The following AP3S2 variants were observed in gnomAD, a reference collection of about 807,000 sequenced individuals.
AP3S2 encodes AP-3 complex subunit sigma-2.
A neutral mutation model predicts 23.4 loss-of-function variants in AP3S2; 22 were observed. That is an observed-to-expected ratio of 0.94 (90% confidence interval 0.67 to 1.34). AP3S2 has a LOEUF of 1.34. AP3S2 is among the 40% of genes most tolerant of loss of function. The pLI is 0.00. For synonymous variants in AP3S2, 86 were observed against 87.1 expected, an observed-to-expected ratio of 0.99 and a Z score of 0.07; for missense variants, 241 against 236.9, an observed-to-expected ratio of 1.02 and a Z score of -0.11.
intron 4 of AP3S2, among the ~76,000 whole-genome samples, chr15:89,847,340 C>T (rs917902066): frequency 1.5e-5 from 2 of 129,398 alleles, no homozygotes; most frequent in African/African-American, 5.9e-5. Flanking sequence ...TGCACCACTG[C>T]ACTCCAGCCT....
At chr15:89,839,111 C>T (rs868860777) in intron 4 of AP3S2, among the ~76,000 whole-genome samples, 2 of 152,190 alleles carry the variant, frequency 1.3e-5, no homozygotes, top group South Asian at 4.1e-4. Flanking sequence ...ATATGTGTTC[C>T]AGGGGGCAAA....
At chr15:89,866,427 A>ATT (rs1348260627) in intron 4 of AP3S2, among the ~76,000 whole-genome samples, 2 of 151,416 alleles carry the variant, frequency 1.3e-5, no homozygotes, top group African/African-American at 4.9e-5. Context: ...CCAGGTGTGT[A>ATT]TTATCCCACA....
intron 4 of AP3S2, among the ~76,000 whole-genome samples, chr15:89,861,967 G>A (rs1192462865): frequency 2.0e-5 from 3 of 152,126 alleles, no homozygotes; most frequent in South Asian, 2.1e-4. Context: ...GAGAGTTGAG[G>A]CAGGAACTAC....
chr15:89,886,397 T>C (rs1387912130), intron 3 of AP3S2: 1 of 152,186 alleles, frequency 6.6e-6, no homozygotes. Flanking sequence ...AGTCTTTTTG[T>C]ATTGTTAATA....
chr15:89,844,158 T>G (rs1895405188), intron 4 of AP3S2, among the ~76,000 whole-genome samples: 1 of 152,266 alleles, frequency 6.6e-6, no homozygotes. Flanking sequence ...AACAAAACTT[T>G]GAGAGCCACT....
Position 89,873,383 on chromosome 15 carries a change from C to A in AP3S2, c.274-1837G>T, listed in dbSNP as rs142642911. 9.0e-3 allele frequency among the ~76,000 whole-genome samples: 1,368 copies of A among 151,490 alleles called. 29 individuals are homozygous for A. Among genetic ancestry groups the A allele is most frequent in the African/African-American group, 0.032 (1,317 of 41,282 alleles). The stretch of plus-strand genomic sequence containing the variant: ...CACTGCAGCCTCTGCCTCCTGGGTT[C>A]AAGCAATTCTCCTGCCTCAGCCTCC... On this transcript the variant is annotated intron_variant, in intron 3 of 5. Coordinates refer to ENST00000336418, the MANE Select transcript of AP3S2 (RefSeq NM_005829.5).
intron 4 of AP3S2, chr15:89,845,608 G>C (rs923636625): frequency 6.6e-6 from 1 of 152,232 alleles, no homozygotes; most frequent in African/African-American, 2.4e-5. Context: ...GAAGTTGGCT[G>C]ATGCGCTGAC....
intron 3 of AP3S2, among the ~76,000 whole-genome samples, chr15:89,886,897 C>T (rs1192190328): frequency 1.3e-5 from 2 of 152,120 alleles, no homozygotes; most frequent in African/African-American, 2.4e-5. Context: ...TGGGTTCATG[C>T]GATTCTCCCA....
chr15:89,868,677 G>A (rs78481482), intron 4 of AP3S2, among the ~76,000 whole-genome samples: 1 of 93,796 alleles, frequency 1.1e-5, no homozygotes, highest in African/African-American at 4.4e-5. Flanking sequence ...CCAGCCGCCC[G>A]GTCCGGGAGG....
At chr15:89,851,069 G>C (rs1348155744) in intron 4 of AP3S2, among the ~76,000 whole-genome samples, 3 of 152,160 alleles carry the variant, frequency 2.0e-5, no homozygotes, top group Admixed American at 6.5e-5. Context: ...ATCACAGATT[G>C]TTAAGAGCTG....
rs1042476981 is a variant in AP3S2 at position 89,831,940 on chromosome 15, T to G, written c.*3575A>C. The G allele has an allele frequency of 6.6e-6, 1 of 152,124 alleles. No individual in the cohort carries two copies. The highest frequency in any genetic ancestry group is 1.5e-5 in the Non-Finnish European group (1 of 68,058). The allele number at this position is 152,124 out of a possible 1,614,324, so 9.4% of individuals were successfully genotyped here. A position where few individuals can be genotyped will look rare whatever the true frequency, so the allele number is the denominator to read the frequency against. ...TATATCACAAAGTTACTGACTGCGGTCTCCACAAATTCAGGCTGCCAGTCC... is the reference window on the plus strand; with the variant it reads ...TATATCACAAAGTTACTGACTGCGGGCTCCACAAATTCAGGCTGCCAGTCC... On this transcript the variant is annotated 3_prime_UTR_variant, in exon 6 of 6. Coordinates refer to ENST00000336418, the MANE Select transcript of AP3S2 (RefSeq NM_005829.5).
chr15:89,864,871 G>A (rs986235820), intron 4 of AP3S2, among the ~76,000 whole-genome samples: 9 of 152,148 alleles, frequency 5.9e-5, no homozygotes, highest in Non-Finnish European at 1.0e-4. Context: ...ATCACAGGCA[G>A]ACAACCTCAC....
At chr15:89,841,289 A>G (rs1895324735) in intron 4 of AP3S2, among the ~76,000 whole-genome samples, 1 of 152,210 alleles carries the variant, frequency 6.6e-6, no homozygotes, top group African/African-American at 2.4e-5. Flanking sequence ...TGCAAACTCC[A>G]TTTTTGTTAT....
intron 4 of AP3S2, among the ~76,000 whole-genome samples, chr15:89,846,087 C>T (rs1052983113): frequency 2.0e-4 from 30 of 152,222 alleles, no homozygotes; most frequent in African/African-American, 7.0e-4. Flanking sequence ...GAAAATGCTT[C>T]GGGTGATAAA....
At chr15:89,884,598 G>C (rs1896649465) in intron 3 of AP3S2, among the ~76,000 whole-genome samples, 1 of 151,216 alleles carries the variant, frequency 6.6e-6, no homozygotes, top group African/African-American at 2.4e-5. Context: ...ATTTTACTTA[G>C]TAAGTAATTT....
intron 4 of AP3S2, among the ~76,000 whole-genome samples, chr15:89,862,163 G>T (rs1016617468): frequency 7.2e-5 from 11 of 152,136 alleles, no homozygotes; most frequent in African/African-American, 2.7e-4. Context: ...CAACAAGAAG[G>T]AAGAGAGAAT....
intron 3 of AP3S2, among the ~76,000 whole-genome samples, chr15:89,883,678 C>T (rs1014283804): frequency 1.3e-4 from 20 of 152,224 alleles, no homozygotes; most frequent in African/African-American, 3.6e-4. Flanking sequence ...TGCACCTGGA[C>T]GAAACACCCA....
At chr15:89,858,024 C>T (rs1218683621) in intron 4 of AP3S2, among the ~76,000 whole-genome samples, 7 of 152,080 alleles carry the variant, frequency 4.6e-5, no homozygotes, top group Admixed American at 6.5e-5. Context: ...CCACATAGCA[C>T]GAGTGAAAAA....
intron 3 of AP3S2, among the ~76,000 whole-genome samples, chr15:89,881,592 A>G (rs1896570937): frequency 1.3e-5 from 2 of 151,258 alleles, no homozygotes; most frequent in Admixed American, 1.3e-4. Context: ...TGACATTATA[A>G]GCCAGGATCT....
Sources: gnomAD v4.1 joint callset for allele counts (sites outside exome capture counted in the v4.1 genomes callset) on GRCh38, gnomAD v4.1.1 for gene constraint, MANE v1.5 for transcripts, NCBI Gene and HGNC (gene_info 2026-07-23, HGNC 2026-07-21) for gene names.